TXNDC11: variants seen among roughly 807,000 people sequenced by gnomAD.
TXNDC11 encodes thioredoxin domain containing 11.
A neutral mutation model predicts 78.0 loss-of-function variants in TXNDC11; 68 were observed. The ratio of observed to expected loss-of-function variants is 0.87; its 90% CI spans 0.72 to 1.07. The LOEUF is 1.07. TXNDC11 is among the 50% of genes least tolerant of loss of function. The pLI, the probability that TXNDC11 is intolerant of heterozygous loss-of-function variation, is 0.00. For synonymous variants in TXNDC11, 571 were observed against 495.2 expected (o/e 1.15, Z -2.03); for missense variants, 1,389 against 1,221.8 (o/e 1.14, Z -2.04).
intron 4 of TXNDC11, among the ~76,000 whole-genome samples, chr16:11,726,807 C>A (rs1239861952): frequency 6.6e-6 from 1 of 152,082 alleles, no homozygotes; most frequent in African/African-American, 2.4e-5. Flanking sequence ...GTAATCCTAG[C>A]ATTTTGGGAG....
chr16:11,710,756 A>C (rs1401862840), intron 5 of TXNDC11, among the ~76,000 whole-genome samples: 1 of 152,206 alleles, frequency 6.6e-6, no homozygotes, highest in Admixed American at 6.5e-5. Flanking sequence ...TTGAAGCTGC[A>C]ATGAGCCGTG....
intron 5 of TXNDC11, among the ~76,000 whole-genome samples, chr16:11,703,368 T>A (rs926263458): frequency 6.6e-6 from 1 of 152,208 alleles, no homozygotes; most frequent in Non-Finnish European, 1.5e-5. Flanking sequence ...TACTTCTTTG[T>A]GGTAAGTACA....
chr16:11,695,030 G>A (rs562530867), intron 7 of TXNDC11, among the ~76,000 whole-genome samples: 1 of 152,344 alleles, frequency 6.6e-6, no homozygotes, highest in African/African-American at 2.4e-5. Context: ...CGATGTGAAT[G>A]CCTCAAATAA....
intron 5 of TXNDC11, among the ~76,000 whole-genome samples, chr16:11,716,810 C>T (rs2051539532): frequency 6.6e-6 from 1 of 151,946 alleles, no homozygotes; most frequent in South Asian, 2.1e-4. Flanking sequence ...CAGACTTGAC[C>T]AAGTAATAAC....
chr16:11,694,096 GCT>G (rs1491503772), intron 7 of TXNDC11, among the ~76,000 whole-genome samples: 15 of 110,414 alleles, frequency 1.4e-4, no homozygotes, highest in African/African-American at 6.3e-4. Context: ...CTACAGCAAT[GCT>G]TTTTTTTTTT....
chr16:11,732,878 A>G (rs2052096243), intron 3 of TXNDC11, among the ~76,000 whole-genome samples: 1 of 152,136 alleles, frequency 6.6e-6, no homozygotes, highest in Non-Finnish European at 1.5e-5. Context: ...GGAAAAAGGA[A>G]AGCTCTCTAC....
At chr16:11,684,104 C>T (rs1182836071) in intron 11 of TXNDC11, 61 bp downstream of exon 11, 1 of 1,189,334 alleles carries the variant, frequency 8.4e-7, no homozygotes, top group Non-Finnish European at 1.3e-6. Flanking sequence ...AAACCCATTT[C>T]ATTTTCAGAC....
At chr16:11,703,165 T>G (rs1005963454) in intron 5 of TXNDC11, among the ~76,000 whole-genome samples, 4 of 152,050 alleles carry the variant, frequency 2.6e-5, no homozygotes, top group African/African-American at 9.7e-5. Flanking sequence ...CAAATAACCC[T>G]AACTATTGCA....
At chr16:11,699,860 A>G (rs1256936534) in intron 6 of TXNDC11, among the ~76,000 whole-genome samples, 2 of 152,256 alleles carry the variant, frequency 1.3e-5, no homozygotes, top group Admixed American at 1.3e-4. Flanking sequence ...AACAGAGTAG[A>G]CGCATAGGAC....
intron 1 of TXNDC11, among the ~76,000 whole-genome samples, chr16:11,739,099 C>G (rs1181755023): frequency 1.3e-5 from 2 of 152,018 alleles, no homozygotes; most frequent in Non-Finnish European, 2.9e-5. Context: ...TGACAGTCAA[C>G]GAAAGGATAA....
intron 5 of TXNDC11, among the ~76,000 whole-genome samples, chr16:11,708,859 C>T (rs1369920756): frequency 6.6e-6 from 1 of 152,200 alleles, no homozygotes. Context: ...TACTTTCCCA[C>T]TCTTCTTTCC....
In TXNDC11 at chr16:11,742,495, G is replaced by T. The variant is rs1055468040; in HGVS notation, c.236C>A (p.Ala79Asp). 1.4e-6 allele frequency: 2 copies of T among 1,451,388 alleles called. No individual in the cohort carries two copies. Among genetic ancestry groups the T allele is most frequent in the Non-Finnish European group, 1.8e-6 (2 of 1,110,138 alleles). 89.9% of individuals were successfully genotyped at this position (1,451,388 alleles called of 1,614,324 possible). Reference sequence around the variant, plus strand: ...GCCTCACCTGCAGGTGAACTTGAGGGCGAGGAGCAGCGCGCAGCCGAGCGC... The same window carrying T: ...GCCTCACCTGCAGGTGAACTTGAGGTCGAGGAGCAGCGCGCAGCCGAGCGC... ...AVALGCALLLALKFTCSRAKD... is the reference protein window; with the variant it reads ...AVALGCALLLDLKFTCSRAKD... Residue 79 changes from alanine to aspartate, a missense_variant, in exon 1 of 12, where the codon GCC (alanine) becomes GAC (aspartate). Ala to Asp is a moderately radical substitution (Grantham distance 126). Coordinates refer to ENST00000283033, the MANE Select transcript of TXNDC11 (RefSeq NM_015914.7).
chr16:11,711,659 T>C (rs1238993997), intron 5 of TXNDC11, among the ~76,000 whole-genome samples: 2 of 152,196 alleles, frequency 1.3e-5, no homozygotes, highest in East Asian at 3.8e-4. Context: ...GCAATCTAAT[T>C]CTATTTGCTA....
intron 5 of TXNDC11, among the ~76,000 whole-genome samples, chr16:11,708,711 G>C (rs1044774315): frequency 6.6e-6 from 1 of 152,242 alleles, no homozygotes; most frequent in Non-Finnish European, 1.5e-5. Context: ...TCATGGATAA[G>C]AAGTCATTTA....
intron 5 of TXNDC11, among the ~76,000 whole-genome samples, chr16:11,708,291 AT>A (rs2051241857): frequency 6.6e-6 from 1 of 152,140 alleles, no homozygotes; most frequent in South Asian, 2.1e-4. Flanking sequence ...TGTTTCTTGA[AT>A]TTTTTTCATG....
chr16:11,701,641 T>C (rs1481578958), intron 5 of TXNDC11, among the ~76,000 whole-genome samples: 3 of 152,122 alleles, frequency 2.0e-5, no homozygotes, highest in Non-Finnish European at 2.9e-5. Context: ...GAAATATGTA[T>C]ACATGGCTAA....
chr16:11,705,906 G>A (rs1040222682), intron 5 of TXNDC11, among the ~76,000 whole-genome samples: 8 of 152,158 alleles, frequency 5.3e-5, no homozygotes, highest in African/African-American at 1.7e-4. Flanking sequence ...TATCCAGAGT[G>A]TTTTCTGATA....
intron 11 of TXNDC11, among the ~76,000 whole-genome samples, chr16:11,680,920 G>A (rs181449893): frequency 2.0e-3 from 302 of 152,280 alleles, no homozygotes; most frequent in African/African-American, 6.3e-3. Context: ...TAATCCCAGT[G>A]CTTTGGGAGG....
chr16:11,698,349 G>A lies in TXNDC11; in HGVS notation c.907-24C>T, dbSNP rs766162283. The stretch of plus-strand genomic sequence containing the variant: ...ACCTGTGAAGGACAAAGGCACAGAG[G>A]ATAAAGGAGAGCTCGTGAGGTGGGG... On this transcript the variant is annotated intron_variant, in intron 6 of 11. Transcript: ENST00000283033. 14 of 1,607,262 alleles carry A rather than the reference G, an allele frequency of 8.7e-6. No homozygotes were observed. In the African/African-American group the frequency reaches 1.7e-4, roughly 20 times the overall value.
Sources: gnomAD v4.1 joint callset for allele counts (sites outside exome capture counted in the v4.1 genomes callset) on GRCh38, gnomAD v4.1.1 for gene constraint, MANE v1.5 for transcripts, NCBI Gene and HGNC (gene_info 2026-07-23, HGNC 2026-07-21) for gene names.